CACNA2D3: variants seen among roughly 807,000 people sequenced by gnomAD.
CACNA2D3 encodes calcium voltage-gated channel auxiliary subunit alpha2delta 3.
Under a neutral mutation model 160.6 loss-of-function variants are expected in CACNA2D3, and 60 were observed. The ratio of observed to expected loss-of-function variants is 0.37; its 90% CI spans 0.30 to 0.46. CACNA2D3 has a LOEUF of 0.46. CACNA2D3 is among the 20% of genes least tolerant of loss of function. The probability of loss-of-function intolerance (pLI) is 1.00; values close to 1 mark genes in which losing one functional copy is unlikely to be tolerated. For synonymous variants in CACNA2D3, 558 were observed against 492.9 expected (o/e 1.13, Z -1.75); for missense variants, 1,205 against 1,365.0 (o/e 0.88, Z 1.85).
chr3:54,296,348 G>A (rs1703342570), intron 2 of CACNA2D3, among the ~76,000 whole-genome samples: 1 of 152,126 alleles, frequency 6.6e-6, no homozygotes, highest in South Asian at 2.1e-4. Flanking sequence ...TGTTGGTTAT[G>A]TAGGAAAGTA....
At chr3:54,548,138 A>G (rs976522312) in intron 5 of CACNA2D3, among the ~76,000 whole-genome samples, 7 of 152,162 alleles carry the variant, frequency 4.6e-5, no homozygotes, top group Admixed American at 1.3e-4. Context: ...GCTCTGAGCT[A>G]TGGGAACTGT....
At chr3:54,571,073 C>G (rs375383914) in intron 8 of CACNA2D3, among the ~76,000 whole-genome samples, 1 of 151,918 alleles carries the variant, frequency 6.6e-6, no homozygotes, top group African/African-American at 2.4e-5. Flanking sequence ...TGGTTTGGTC[C>G]GGAAAGGCAG....
At chr3:55,037,404 G>A (rs1207359466) in intron 35 of CACNA2D3, among the ~76,000 whole-genome samples, 2 of 152,168 alleles carry the variant, frequency 1.3e-5, no homozygotes, top group Non-Finnish European at 2.9e-5. Context: ...CTTGAGCTTG[G>A]AATCAGGGCT....
At chr3:54,185,412 C>T (rs1025910133) in intron 2 of CACNA2D3, among the ~76,000 whole-genome samples, 26 of 152,030 alleles carry the variant, frequency 1.7e-4, no homozygotes, top group Admixed American at 1.4e-3. Flanking sequence ...TAAAAAGAAG[C>T]CTGCTTAATT....
chr3:54,156,157 G>C (rs1700239512), intron 2 of CACNA2D3, among the ~76,000 whole-genome samples: 1 of 152,154 alleles, frequency 6.6e-6, no homozygotes, highest in African/African-American at 2.4e-5. Flanking sequence ...GGTGATCTGG[G>C]TGCAAATAGC....
chr3:54,761,539 C>T (rs112946369), intron 12 of CACNA2D3, among the ~76,000 whole-genome samples: 6 of 152,224 alleles, frequency 3.9e-5, no homozygotes, highest in African/African-American at 7.2e-5. Flanking sequence ...CTGTCCTTTC[C>T]GACCATGCCT....
chr3:54,967,968 T>A (rs2107065756), intron 27 of CACNA2D3, among the ~76,000 whole-genome samples: 1 of 152,292 alleles, frequency 6.6e-6, no homozygotes, highest in South Asian at 2.1e-4. Context: ...TAAGACACAT[T>A]ATAGTAAAGT....
At chr3:54,256,803 T>C (rs545966516) in intron 2 of CACNA2D3, among the ~76,000 whole-genome samples, 1 of 148,108 alleles carries the variant, frequency 6.8e-6, no homozygotes, top group East Asian at 2.0e-4. Flanking sequence ...CTCTACAAAA[T>C]GAGCTGTCTT....
At chr3:54,626,031 T>G (rs1450260828) in intron 9 of CACNA2D3, among the ~76,000 whole-genome samples, 1 of 152,172 alleles carries the variant, frequency 6.6e-6, no homozygotes, top group African/African-American at 2.4e-5. Flanking sequence ...GGTGGATATT[T>G]TCCATGAGCT....
chr3:54,963,759 C>G (rs1468772399), intron 27 of CACNA2D3, among the ~76,000 whole-genome samples: 1 of 152,172 alleles, frequency 6.6e-6, no homozygotes, highest in East Asian at 1.9e-4. Context: ...GGCCTGTACC[C>G]CTGGCGGTTG....
intron 31 of CACNA2D3, among the ~76,000 whole-genome samples, chr3:54,996,144 A>G (rs1702853948): frequency 1.3e-5 from 2 of 152,254 alleles, no homozygotes; most frequent in Non-Finnish European, 2.9e-5. Context: ...AGTGCAGTAC[A>G]GGCATCATTG....
chr3:54,816,913 C>G (rs750776566), intron 14 of CACNA2D3, 43 bp downstream of exon 14: 3 of 1,607,388 alleles, frequency 1.9e-6, no homozygotes, highest in Admixed American at 1.7e-5. Flanking sequence ...CCAGAACTCA[C>G]GAGTCATGCA....
chr3:54,907,864 A>G (rs1186952977), intron 27 of CACNA2D3, among the ~76,000 whole-genome samples: 1 of 152,116 alleles, frequency 6.6e-6, no homozygotes, highest in Non-Finnish European at 1.5e-5. Context: ...ATTTAACATA[A>G]TGTTTTTATG....
chr3:54,404,198 C>T (rs1699528755), intron 4 of CACNA2D3, among the ~76,000 whole-genome samples: 1 of 152,162 alleles, frequency 6.6e-6, no homozygotes, highest in Non-Finnish European at 1.5e-5. Flanking sequence ...AACTACACGT[C>T]AGGTCAGTAT....
Position 54,879,331 on chromosome 3 carries a change from T to G in CACNA2D3, c.1783-19T>G, listed in dbSNP as rs757624117. 1 of 1,575,692 alleles carries G rather than the reference T, an allele frequency of 6.3e-7. No homozygotes were observed. The highest frequency in any genetic ancestry group is 8.6e-7 in the Non-Finnish European group (1 of 1,160,776). On this transcript the variant is annotated intron_variant, in intron 19 of 37. Coordinates refer to ENST00000474759, the MANE Select transcript of CACNA2D3 (RefSeq NM_018398.3). ...CATGTTTTCTTTTCTCTACGACTTTTTTTTTTTTTTCAATCTAGAAACGGG... is the reference window on the plus strand; with the variant it reads ...CATGTTTTCTTTTCTCTACGACTTTGTTTTTTTTTTCAATCTAGAAACGGG...
At chr3:54,648,061 A>C in intron 11 of CACNA2D3, among the ~76,000 whole-genome samples, 1 of 152,194 alleles carries the variant, frequency 6.6e-6, no homozygotes, top group East Asian at 1.9e-4. Flanking sequence ...AAAGTCATGG[A>C]ATTATTTATC....
intron 13 of CACNA2D3, among the ~76,000 whole-genome samples, chr3:54,772,477 G>A (rs943249704): frequency 4.0e-5 from 6 of 150,190 alleles, no homozygotes; most frequent in Non-Finnish European, 7.4e-5. Flanking sequence ...GCCAATCATT[G>A]CATTTAACCA....
chr3:54,139,037 G>T (rs1041846588), intron 2 of CACNA2D3, among the ~76,000 whole-genome samples: 4 of 152,196 alleles, frequency 2.6e-5, no homozygotes, highest in African/African-American at 9.6e-5. Flanking sequence ...TCTAGTTCTG[G>T]CCTGACACTG....
chr3:54,790,562 A>G (rs565674091), intron 13 of CACNA2D3, among the ~76,000 whole-genome samples: 4 of 152,096 alleles, frequency 2.6e-5, no homozygotes, highest in Admixed American at 2.6e-4. Flanking sequence ...GCCAAATGAA[A>G]CTCTACAGGT....
Sources: gnomAD v4.1 joint callset for allele counts (sites outside exome capture counted in the v4.1 genomes callset) on GRCh38, gnomAD v4.1.1 for gene constraint, MANE v1.5 for transcripts, NCBI Gene and HGNC (gene_info 2026-07-23, HGNC 2026-07-21) for gene names.